SCN9A: variants seen among roughly 807,000 people sequenced by gnomAD.
The protein encoded by SCN9A is sodium channel protein type 9 subunit alpha.
Under a neutral mutation model 187.0 loss-of-function variants are expected in SCN9A, and 131 were observed. The ratio of observed to expected loss-of-function variants is 0.70; its 90% CI spans 0.61 to 0.81. The LOEUF is 0.81. SCN9A is among the 30% of genes least tolerant of loss of function. SCN9A has a pLI of 0.00. For missense variants in SCN9A, 2,252 were observed against 2,396.6 expected, an observed-to-expected ratio of 0.94 and a Z score of 1.26; for synonymous variants, 809 against 808.6, an observed-to-expected ratio of 1.00 and a Z score of -0.01.
chr2:166,296,348 A>G (rs985274384), intron 7 of SCN9A, among the ~76,000 whole-genome samples: 1 of 152,208 alleles, frequency 6.6e-6, no homozygotes, highest in Non-Finnish European at 1.5e-5. Flanking sequence ...TATTGATTGA[A>G]TTACACATCA....
intron 9 of SCN9A, 99 bp from the exon 10 acceptor site, chr2:166,288,742 T>A: frequency 1.3e-6 from 1 of 786,076 alleles, no homozygotes; most frequent in Non-Finnish European, 1.9e-6. Flanking sequence ...TTTGGTATAA[T>A]CTCATGTTAT....
chr2:166,370,269 C>T (rs1273202962), intron 1 of SCN9A, among the ~76,000 whole-genome samples: 1 of 140,096 alleles, frequency 7.1e-6, no homozygotes, highest in Non-Finnish European at 1.5e-5. Flanking sequence ...ATGGGCTGAG[C>T]GCGGTGGCTC....
At chr2:166,297,330 T>C (rs1698361969) in intron 7 of SCN9A, among the ~76,000 whole-genome samples, 1 of 151,462 alleles carries the variant, frequency 6.6e-6, no homozygotes, top group Admixed American at 6.6e-5. Context: ...AGCAACATTA[T>C]GCATTATAAC....
intron 17 of SCN9A, among the ~76,000 whole-genome samples, chr2:166,262,650 G>A (rs1696558433): frequency 2.0e-5 from 3 of 151,890 alleles, no homozygotes; most frequent in Non-Finnish European, 1.5e-5. Flanking sequence ...AATGATTACA[G>A]CTTGGGGTTT....
chr2:166,236,644 A>G lies in SCN9A; in HGVS notation c.3801+1450T>C, dbSNP rs1303729566. On this transcript the variant is annotated intron_variant, in intron 20 of 26. Transcript: ENST00000642356. ...CACCATGTTGGCCAGGCTGGTCTCA[A>G]ACTCCTGACCTCAGGTGATCCACCT... Among the ~76,000 whole-genome samples the G allele has an allele frequency of 2.6e-5, 4 of 152,182 alleles. No individual in the cohort carries two copies. The East Asian group carries it at 5.8e-4, about 22-fold the overall frequency.
chr2:166,286,424 G>A lies in SCN9A; in HGVS notation c.1514C>T (p.Ser505Leu), dbSNP rs1395090262. Residue 505 changes from serine (S) to leucine (L), a missense_variant, in exon 11 of 27, where the codon TCA becomes TTA. Ser to Leu is a moderately radical substitution (Grantham distance 145, BLOSUM62 -2). Coordinates refer to ENST00000642356, the MANE Select transcript of SCN9A (RefSeq NM_001365536.1). ...ACTTTTTCTTCTGATGCTGTCCTCT[G>A]ATTCTGATTTCGACAATTTCTCAGC... ...GDAEKLSKSE[S>L]EDSIRRKSFH... is the part of the protein sequence containing the mutation. 6.2e-7 allele frequency: 1 copy of A among 1,613,766 alleles called. No individual in the cohort carries two copies. Among genetic ancestry groups the A allele is most frequent in the African/African-American group, 1.3e-5 (1 of 74,926 alleles).
At position 166,284,754 on chromosome 2, in the gene SCN9A, T is replaced by C; in HGVS notation, c.1673A>G (p.Lys558Arg). 6.2e-7 allele frequency: 1 copy of C among 1,613,830 alleles called. No individual in the cohort carries two copies. The highest frequency in any genetic ancestry group is 8.5e-7 in the Non-Finnish European group (1 of 1,179,860). The change falls in exon 12 of 27, where the codon AAA becomes AGA. Residue 558 changes from lysine to arginine, a missense_variant. Lys to Arg is a conservative substitution (Grantham distance 26). Around this residue, in one of 7 missense-constraint regions of SCN9A, gnomAD observed 1,013 missense variants for 997.4 expected, o/e 1.02. Coordinates refer to ENST00000642356, the MANE Select transcript of SCN9A (RefSeq NM_001365536.1). ...AGATCCTATATCTCTTCCTCTGCCT[T>C]TGAAACTAAAAAGACTTGTTCTGCT... Reference protein sequence around the residue: ...RSSRTSLFSFKGRGRDIGSET... With the variant: ...RSSRTSLFSFRGRGRDIGSET...
chr2:166,203,443 G>T (rs1403395708), intron 26 of SCN9A, among the ~76,000 whole-genome samples: 4 of 151,892 alleles, frequency 2.6e-5, no homozygotes, highest in Non-Finnish European at 1.5e-5. Flanking sequence ...GCTGGTTGAG[G>T]AATGATTGGC....
chr2:166,219,877 T>G (rs1694508369), intron 24 of SCN9A, among the ~76,000 whole-genome samples: 1 of 152,200 alleles, frequency 6.6e-6, no homozygotes, highest in South Asian at 2.1e-4. Context: ...ACTGAAAATT[T>G]CTACAATGTT....
chr2:166,308,181 A>G (rs1226438606), intron 2 of SCN9A, among the ~76,000 whole-genome samples: 1 of 152,218 alleles, frequency 6.6e-6, no homozygotes, highest in African/African-American at 2.4e-5. Context: ...TTTAAAATTA[A>G]TACCTAGTCC....
At chr2:166,349,792 G>A (rs999747149) in intron 1 of SCN9A, among the ~76,000 whole-genome samples, 2 of 152,006 alleles carry the variant, frequency 1.3e-5, no homozygotes, top group African/African-American at 4.8e-5. Flanking sequence ...GACCAACATG[G>A]AGAAACCCTG....
At chr2:166,366,790 T>G (rs1700427541) in intron 1 of SCN9A, among the ~76,000 whole-genome samples, 1 of 152,184 alleles carries the variant, frequency 6.6e-6, no homozygotes, top group Admixed American at 6.5e-5. Context: ...AGACGTATCA[T>G]AGAACTCAAG....
At chr2:166,343,166 T>C (rs1487626720) in intron 1 of SCN9A, among the ~76,000 whole-genome samples, 2 of 152,190 alleles carry the variant, frequency 1.3e-5, no homozygotes, top group East Asian at 3.8e-4. Flanking sequence ...TTTTTTGTCA[T>C]ATACTTTGCT....
chr2:166,271,830 A>C (rs10173021), intron 17 of SCN9A, among the ~76,000 whole-genome samples: 111,241 of 151,604 alleles, frequency 0.73, 41,387 homozygotes, highest in East Asian at 0.86. Flanking sequence ...TGTACTCCAG[A>C]CTGGGCAACA....
chr2:166,363,177 G>C (rs199903431), intron 1 of SCN9A, among the ~76,000 whole-genome samples: 1 of 123,074 alleles, frequency 8.1e-6, no homozygotes, highest in Non-Finnish European at 1.9e-5. Flanking sequence ...AATTAACAGA[G>C]AGAGGAGATT....
chr2:166,320,139 C>A (rs1699201700), intron 1 of SCN9A, among the ~76,000 whole-genome samples: 1 of 151,750 alleles, frequency 6.6e-6, no homozygotes, highest in African/African-American at 2.4e-5. Flanking sequence ...AGGAAAATAT[C>A]AGAAAAACTT....
chr2:166,312,873 C>T (rs140830160), intron 1 of SCN9A, among the ~76,000 whole-genome samples: 2,111 of 150,576 alleles, frequency 0.014, 54 homozygotes, highest in African/African-American at 0.049. Context: ...ATTTAGTGAA[C>T]CATGCTGTAA....
intron 26 of SCN9A, among the ~76,000 whole-genome samples, chr2:166,200,870 A>G (rs1474971673): frequency 6.6e-6 from 1 of 151,994 alleles, no homozygotes; most frequent in Non-Finnish European, 1.5e-5. Context: ...TCTGACTTCA[A>G]GTGATTTCGC....
rs200608140 is a variant in SCN9A, at chr2:166,199,136, G to T, written c.5503C>A (p.Arg1835=). ...AMDLPMVSGD[R]IHCLDILFAF... ...AATAAGATGTCAAGACAATGGATCCGGTCACCACTAACCATGGGCAGATCC... is the reference window on the plus strand; with the variant it reads ...AATAAGATGTCAAGACAATGGATCCTGTCACCACTAACCATGGGCAGATCC... Residue 1835 remains arginine, a synonymous_variant, in exon 27 of 27, where the codon CGG becomes AGG. Coordinates refer to ENST00000642356, the MANE Select transcript of SCN9A (RefSeq NM_001365536.1). The T allele has an allele frequency of 6.8e-6, 11 of 1,613,978 alleles. No homozygotes were observed. The highest frequency in any genetic ancestry group is 1.3e-5 in the African/African-American group (1 of 74,868).
Sources: gnomAD v4.1 joint callset for allele counts (sites outside exome capture counted in the v4.1 genomes callset) on GRCh38, gnomAD v4.1.1 for gene constraint, gnomAD v4.1.1 regional missense constraint, MANE v1.5 for transcripts, NCBI Gene and HGNC (gene_info 2026-07-23, HGNC 2026-07-21) for gene names.